Variants in EEFSEC observed in about 807,000 individuals in gnomAD.
EEFSEC encodes selenocysteine-specific elongation factor.
Under a neutral mutation model 42.1 loss-of-function variants are expected in EEFSEC, and 43 were observed. That is an observed-to-expected ratio of 1.02 (90% CI 0.80 to 1.32). EEFSEC has a LOEUF of 1.32. EEFSEC is among the 40% of genes most tolerant of loss of function. The pLI, the probability that EEFSEC is intolerant of heterozygous loss-of-function variation, is 0.00. For synonymous variants in EEFSEC, 354 were observed against 339.1 expected (o/e 1.04, Z -0.48); for missense variants, 745 against 803.6 (o/e 0.93, Z 0.88).
chr3:128,168,040 AGGGCGTCTG>A (rs911381320), intron 1 of EEFSEC, among the ~76,000 whole-genome samples: 5 of 152,156 alleles, frequency 3.3e-5, no homozygotes, highest in African/African-American at 1.2e-4. Context: ...AGCATTGTCT[AGGGCGTCTG>A]TTTTCACTTT....
At chr3:128,163,043 A>G (rs1329517264) in intron 1 of EEFSEC, among the ~76,000 whole-genome samples, 2 of 152,190 alleles carry the variant, frequency 1.3e-5, no homozygotes, top group African/African-American at 2.4e-5. Context: ...GCCCTAAGAC[A>G]TATTCCCCTT....
intron 6 of EEFSEC, among the ~76,000 whole-genome samples, chr3:128,385,895 G>T (rs1462182779): frequency 6.6e-6 from 1 of 152,210 alleles, no homozygotes; most frequent in African/African-American, 2.4e-5. Context: ...ACATCCCACG[G>T]TGGAACATGA....
chr3:128,380,104 G>A (rs1049796800), intron 6 of EEFSEC, among the ~76,000 whole-genome samples: 1 of 152,160 alleles, frequency 6.6e-6, no homozygotes, highest in Non-Finnish European at 1.5e-5. Context: ...GCTCTGGCTG[G>A]ACTCTAGGTG....
chr3:128,329,700 G>A (rs914882802), intron 4 of EEFSEC, among the ~76,000 whole-genome samples: 3 of 152,240 alleles, frequency 2.0e-5, no homozygotes, highest in Admixed American at 2.0e-4. Context: ...GGGCAGTGCT[G>A]AGGAGTGCTC....
At chr3:128,380,010 G>A (rs1278776738) in intron 6 of EEFSEC, among the ~76,000 whole-genome samples, 1 of 152,260 alleles carries the variant, frequency 6.6e-6, no homozygotes, top group Non-Finnish European at 1.5e-5. Context: ...GGCTTCTGAG[G>A]CTGGCATGTA....
At chr3:128,409,360 C>CGG (rs2068157648), downstream of EEFSEC, among the ~76,000 whole-genome samples, 3 of 143,272 alleles carry the variant, frequency 2.1e-5, no homozygotes, top group African/African-American at 8.7e-5. Context: ...AGCCCCAGAG[C>CGG]CGTGTGTGTG....
At chr3:128,377,272 T>C (rs963211801) in intron 6 of EEFSEC, among the ~76,000 whole-genome samples, 2 of 152,208 alleles carry the variant, frequency 1.3e-5, no homozygotes, top group African/African-American at 4.8e-5. Context: ...TTTTTTCTTT[T>C]ACTGTTTTAC....
chr3:128,156,369 G>A (rs1256498412), intron 1 of EEFSEC, among the ~76,000 whole-genome samples: 1 of 152,174 alleles, frequency 6.6e-6, no homozygotes, highest in Non-Finnish European at 1.5e-5. Flanking sequence ...AACAGTCCAG[G>A]TCTGCCTGAC....
chr3:128,388,972 C>T (rs1033528027), intron 6 of EEFSEC, among the ~76,000 whole-genome samples: 2 of 152,176 alleles, frequency 1.3e-5, no homozygotes, highest in Admixed American at 6.6e-5. Context: ...GTCCCTGTGC[C>T]TCATGTGGTG....
downstream of EEFSEC, among the ~76,000 whole-genome samples, chr3:128,412,405 C>T (rs114793601): frequency 6.1e-3 from 922 of 152,328 alleles, 9 homozygotes; most frequent in African/African-American, 0.021. Context: ...CCAAGGCCAG[C>T]CCCGCTGACA....
intron 1 of EEFSEC, among the ~76,000 whole-genome samples, chr3:128,185,501 G>A (rs1319020612): frequency 2.0e-5 from 3 of 151,582 alleles, no homozygotes; most frequent in Admixed American, 6.6e-5. Flanking sequence ...GTGCAATGAC[G>A]TGAATTAAAT....
At chr3:128,269,560 G>T (rs1045569418) in intron 4 of EEFSEC, among the ~76,000 whole-genome samples, 1 of 152,156 alleles carries the variant, frequency 6.6e-6, no homozygotes, top group African/African-American at 2.4e-5. Context: ...ACATCTGACC[G>T]CTTGAACTCC....
chr3:128,289,796 T>A (rs73197374), intron 4 of EEFSEC, among the ~76,000 whole-genome samples: 2,025 of 152,340 alleles, frequency 0.013, 20 homozygotes, highest in South Asian at 0.026. Context: ...GTGGCAGACA[T>A]CTGTCTCATT....
chr3:128,319,664 A>T (rs980690958), intron 4 of EEFSEC, among the ~76,000 whole-genome samples: 3 of 151,706 alleles, frequency 2.0e-5, no homozygotes, highest in African/African-American at 7.3e-5. Context: ...GTTTCCATGC[A>T]CTCCTCTCTC....
chr3:128,171,398 T>C (rs533217142), intron 1 of EEFSEC, among the ~76,000 whole-genome samples: 7 of 152,330 alleles, frequency 4.6e-5, no homozygotes, highest in African/African-American at 1.7e-4. Flanking sequence ...GTACCTACAA[T>C]GGCAGAGGTT....
rs72985529 is a variant in EEFSEC at position 128,183,870 on chromosome 3, A to T, written c.316+30047A>T. On this transcript the variant is annotated intron_variant, in intron 1 of 6. Transcript: ENST00000254730. Reference sequence around the variant, plus strand: ...TAAGGAGTGATGTTCTGGAGTATTAAATTGGGTGAGTGTGGGCACAGTTTG... The same window carrying T: ...TAAGGAGTGATGTTCTGGAGTATTATATTGGGTGAGTGTGGGCACAGTTTG... 4.2e-3 allele frequency among the ~76,000 whole-genome samples: 644 copies of T among 152,170 alleles called. 6 individuals carry two copies. The highest frequency in any genetic ancestry group is 0.02 in the Middle Eastern group (6 of 294).
intron 4 of EEFSEC, among the ~76,000 whole-genome samples, chr3:128,274,699 T>C (rs2066449132): frequency 6.6e-6 from 1 of 152,234 alleles, no homozygotes; most frequent in Non-Finnish European, 1.5e-5. Context: ...AGGGATTTGA[T>C]TAGAAACAAC....
At chr3:128,369,928 C>G (rs1356872847) in intron 6 of EEFSEC, among the ~76,000 whole-genome samples, 3 of 152,198 alleles carry the variant, frequency 2.0e-5, no homozygotes, top group Non-Finnish European at 2.9e-5. Flanking sequence ...CCTGCAGAAC[C>G]ACAACGCAGT....
chr3:128,264,508 C>G (rs2066331414), intron 3 of EEFSEC, 109 bp from the exon 4 acceptor site: 2 of 1,313,118 alleles, frequency 1.5e-6, no homozygotes. Flanking sequence ...GCTGAGTTCA[C>G]CTTGGCAGCC....
Sources: gnomAD v4.1 joint callset for allele counts (sites outside exome capture counted in the v4.1 genomes callset) on GRCh38, gnomAD v4.1.1 for gene constraint, MANE v1.5 for transcripts, NCBI Gene and HGNC (gene_info 2026-07-23, HGNC 2026-07-21) for gene names.